The following PAPPA2 variants were observed in gnomAD, a reference collection of about 807,000 sequenced individuals.
PAPPA2 encodes the protein pappalysin 2.
PAPPA2 carries 86 observed loss-of-function variants against 176.4 expected under a neutral mutation model. The ratio of observed to expected loss-of-function variants is 0.49; its 90% confidence interval spans 0.41 to 0.58. The LOEUF (loss-of-function observed/expected upper bound fraction) is 0.58. Among genes scored for constraint, PAPPA2 ranks in the 20% least tolerant of loss-of-function variants. PAPPA2 has a pLI of 0.00. For missense variants in PAPPA2, 2,073 were observed against 2,256.9 expected (o/e 0.92, Z 1.65); for synonymous variants, 809 against 852.2 (o/e 0.95, Z 0.88).
intron 21 of PAPPA2, among the ~76,000 whole-genome samples, chr1:176,819,117 A>G (rs183507313): frequency 5.9e-5 from 9 of 152,270 alleles, no homozygotes; most frequent in Admixed American, 1.3e-4. Flanking sequence ...CAGATGGTCA[A>G]TAGTTTTTGA....
intron 17 of PAPPA2, among the ~76,000 whole-genome samples, chr1:176,774,335 C>T (rs894596012): frequency 6.6e-6 from 1 of 152,112 alleles, no homozygotes. Flanking sequence ...CCCATAAGAC[C>T]AACTGCCTAT....
chr1:176,621,826 A>G (rs1226739137), intron 3 of PAPPA2, among the ~76,000 whole-genome samples: 1 of 152,240 alleles, frequency 6.6e-6, no homozygotes, highest in Non-Finnish European at 1.5e-5. Context: ...TTAAAAAGTA[A>G]TAATAAAGAA....
At chr1:176,469,427 G>A (rs1006247747) in intron 1 of PAPPA2, among the ~76,000 whole-genome samples, 42 of 152,080 alleles carry the variant, frequency 2.8e-4, no homozygotes, top group Non-Finnish European at 5.6e-4. Context: ...CACCCCTCTA[G>A]TACCCCACCA....
At chr1:176,515,726 G>A (rs569298691) in intron 1 of PAPPA2, among the ~76,000 whole-genome samples, 1 of 151,738 alleles carries the variant, frequency 6.6e-6, no homozygotes, top group East Asian at 1.9e-4. Flanking sequence ...TTTTTCACTT[G>A]TGCATTTTCC....
At chr1:176,685,266 C>A (rs899550980) in intron 4 of PAPPA2, among the ~76,000 whole-genome samples, 2 of 152,174 alleles carry the variant, frequency 1.3e-5, no homozygotes, top group African/African-American at 4.8e-5. Context: ...CTACTTTAAT[C>A]TTCATGACAA....
rs148218977 is a variant in PAPPA2 at position 176,602,397 on chromosome 1, T to A, written c.1991+6802T>A. ...AGGTATACAATAGAAAGGGTGTATC[T>A]TGGGACAGGAAGGTAGAGGCACATG... On this transcript the variant is annotated intron_variant, in intron 3 of 22. Coordinates refer to ENST00000367662, the MANE Select transcript of PAPPA2 (RefSeq NM_020318.3). Among the ~76,000 whole-genome samples, 776 of 152,198 alleles carry A rather than the reference T, an allele frequency of 5.1e-3. 13 individuals carry two copies. The highest frequency in any genetic ancestry group is 0.017 in the African/African-American group (705 of 41,536).
At chr1:176,682,220 G>A (rs1456601193) in intron 4 of PAPPA2, among the ~76,000 whole-genome samples, 1 of 152,206 alleles carries the variant, frequency 6.6e-6, no homozygotes, top group Non-Finnish European at 1.5e-5. Flanking sequence ...TGTGGAGTCT[G>A]GGTGCAGAAA....
intron 2 of PAPPA2, among the ~76,000 whole-genome samples, chr1:176,585,758 A>C (rs1413066923): frequency 1.3e-5 from 2 of 151,970 alleles, no homozygotes; most frequent in African/African-American, 4.8e-5. Flanking sequence ...TACTTGGTCT[A>C]ATCTGTTGTT....
At position 176,710,161 on chromosome 1, in the gene PAPPA2, A is replaced by C. The variant is rs775812175; in HGVS notation, c.3636A>C (p.Gly1212=). The C allele has an allele frequency of 8.1e-6, 13 of 1,613,476 alleles. No individual in the cohort carries two copies. The highest frequency in any genetic ancestry group is 1.0e-5 in the Non-Finnish European group (12 of 1,179,624). The change falls in exon 11 of 23, where the codon GGA becomes GGC. Residue 1212 remains glycine, a synonymous_variant. Coordinates refer to ENST00000367662, the MANE Select transcript of PAPPA2 (RefSeq NM_020318.3). Reference sequence around the variant, plus strand: ...AGTGTCCTGTTTCCTTGGTAACTGGAGAACCTCATTCCCTAGTAAGTTAAG... The same window carrying C: ...AGTGTCCTGTTTCCTTGGTAACTGGCGAACCTCATTCCCTAGTAAGTTAAG... The part of the protein sequence containing the change: ...KKKCPVSLVT[G]EPHSLICTSY...
intron 1 of PAPPA2, among the ~76,000 whole-genome samples, chr1:176,541,315 C>T (rs1650353414): frequency 6.6e-6 from 1 of 152,212 alleles, no homozygotes; most frequent in South Asian, 2.1e-4. Context: ...ATACATTTGT[C>T]ATCAGGATTC....
intron 21 of PAPPA2, among the ~76,000 whole-genome samples, chr1:176,811,214 T>C (rs1484744878): frequency 6.6e-6 from 1 of 152,204 alleles, no homozygotes; most frequent in Non-Finnish European, 1.5e-5. Context: ...ATGAATCTTA[T>C]TTGTGATATC....
intron 3 of PAPPA2, among the ~76,000 whole-genome samples, chr1:176,651,550 T>C (rs374176693): frequency 2.0e-5 from 3 of 151,834 alleles, no homozygotes; most frequent in African/African-American, 7.2e-5. Flanking sequence ...CCTTTCTTTG[T>C]CTTTGACCTT....
intron 1 of PAPPA2, among the ~76,000 whole-genome samples, chr1:176,471,645 T>C (rs1452888561): frequency 1.3e-5 from 2 of 152,192 alleles, no homozygotes; most frequent in African/African-American, 4.8e-5. Context: ...ATCACTTTTC[T>C]TTCACCACAA....
At chr1:176,647,471 T>G (rs886398004) in intron 3 of PAPPA2, among the ~76,000 whole-genome samples, 12 of 151,562 alleles carry the variant, frequency 7.9e-5, no homozygotes, top group Non-Finnish European at 1.6e-4. Context: ...GGGGTGTGAC[T>G]CAAGAAATCT....
intron 17 of PAPPA2, among the ~76,000 whole-genome samples, chr1:176,784,944 A>G (rs1444098789): frequency 2.6e-5 from 4 of 151,998 alleles, no homozygotes; most frequent in African/African-American, 9.7e-5. Context: ...GCAAGCTCTT[A>G]TTTGTTTTCT....
chr1:176,758,368 T>A (rs370104305), intron 14 of PAPPA2, among the ~76,000 whole-genome samples: 2 of 149,386 alleles, frequency 1.3e-5, no homozygotes, highest in East Asian at 3.9e-4. Context: ...GAATCAAGAC[T>A]TTTTTTCTCT....
At position 176,634,919 on chromosome 1, in the gene PAPPA2, A is replaced by AGAT. The variant is rs998975692; in HGVS notation, c.1992-36035_1992-36033dup. ...ATAGACACATAGATACATGACAGAT[A>AGAT]GATGATGATGATGATGATAGATGAT... On this transcript the variant is annotated intron_variant, in intron 3 of 22. Coordinates refer to ENST00000367662, the MANE Select transcript of PAPPA2 (RefSeq NM_020318.3). 2.1e-3 allele frequency among the ~76,000 whole-genome samples: 176 copies of AGAT among 85,724 alleles called. 2 individuals are homozygous for AGAT. Among genetic ancestry groups the AGAT allele is most frequent in the African/African-American group, 7.3e-3 (156 of 21,352 alleles). 56.2% of individuals were successfully genotyped at this position (85,724 alleles called of 152,430 possible).
chr1:176,487,383 G>C (rs1194842967), intron 1 of PAPPA2, among the ~76,000 whole-genome samples: 1 of 152,168 alleles, frequency 6.6e-6, no homozygotes, highest in Non-Finnish European at 1.5e-5. Context: ...CTGACTCCTG[G>C]AAGACCTGAT....
intron 3 of PAPPA2, among the ~76,000 whole-genome samples, chr1:176,639,036 G>A (rs771837368): frequency 5.1e-4 from 77 of 151,528 alleles, no homozygotes; most frequent in Non-Finnish European, 9.1e-4. Flanking sequence ...AATAGATCCT[G>A]GAGTTAGAAA....
Sources: allele counts gnomAD v4.1 joint callset (sites outside exome capture counted in the v4.1 genomes callset), GRCh38; gene constraint gnomAD v4.1.1; transcripts MANE v1.5; gene names NCBI Gene and HGNC (gene_info 2026-07-23, HGNC 2026-07-21).